The following PELI2 variants were observed in gnomAD, a reference collection of about 807,000 sequenced individuals.
The protein encoded by PELI2 is pellino E3 ubiquitin protein ligase family member 2.
In PELI2, 23 loss-of-function variants were observed where a neutral mutation model predicts 42.3. The ratio of observed to expected loss-of-function variants is 0.54; its 90% confidence interval spans 0.39 to 0.77. The LOEUF (loss-of-function observed/expected upper bound fraction) is 0.77. PELI2 is among the 30% of genes least tolerant of loss of function. The pLI is 0.00. For synonymous variants in PELI2, 245 were observed against 212.2 expected (o/e 1.15, Z -1.34); for missense variants, 463 against 553.2 (o/e 0.84, Z 1.64).
chr14:56,263,891 AT>A (rs11299221), intron 2 of PELI2, among the ~76,000 whole-genome samples: 140,446 of 152,162 alleles, frequency 0.92, 65,189 homozygotes, highest in African/African-American at 0.98. Context: ...AATGCAGACG[AT>A]TTTTTTTAAA....
chr14:56,134,733 T>A (rs1432157469), intron 1 of PELI2, among the ~76,000 whole-genome samples: 2 of 151,418 alleles, frequency 1.3e-5, no homozygotes, highest in African/African-American at 4.8e-5. Context: ...CTCTCTTTTT[T>A]AAAAAAAATC....
intron 2 of PELI2, among the ~76,000 whole-genome samples, chr14:56,215,549 A>C (rs774907466): frequency 1.2e-4 from 19 of 152,262 alleles, no homozygotes; most frequent in Admixed American, 9.2e-4. Context: ...ACTAAAAGAC[A>C]TGATTAGAAA....
intron 1 of PELI2, chr14:56,118,969 G>A (rs1882957288): frequency 4.0e-6 from 1 of 252,856 alleles, no homozygotes; most frequent in Non-Finnish European, 7.4e-6. Flanking sequence ...GGAGGACGCG[G>A]CGGAGGAAGT....
intron 5 of PELI2, among the ~76,000 whole-genome samples, chr14:56,295,996 A>G (rs1328286246): frequency 6.6e-6 from 1 of 152,238 alleles, no homozygotes; most frequent in Non-Finnish European, 1.5e-5. Flanking sequence ...GTCAGCTGTT[A>G]ATCAGTCTTA....
chr14:56,124,633 G>A (rs1322947798), intron 1 of PELI2, among the ~76,000 whole-genome samples: 1 of 152,324 alleles, frequency 6.6e-6, no homozygotes, highest in Non-Finnish European at 1.5e-5. Context: ...GGGATACGCA[G>A]ATGAACAAGA....
chr14:56,264,972 T>C (rs887786957), intron 2 of PELI2, among the ~76,000 whole-genome samples: 2 of 152,142 alleles, frequency 1.3e-5, no homozygotes, highest in African/African-American at 4.8e-5. Flanking sequence ...CAGAAACTTA[T>C]AAAAACATTG....
At chr14:56,161,732 A>G (rs1459569611) in intron 1 of PELI2, among the ~76,000 whole-genome samples, 1 of 152,098 alleles carries the variant, frequency 6.6e-6, no homozygotes, top group African/African-American at 2.4e-5. Context: ...ACATATATAT[A>G]TATTTTTTTT....
intron 1 of PELI2, among the ~76,000 whole-genome samples, 169 bp downstream of exon 1, chr14:56,118,906 C>CA (rs1313437104): frequency 4.7e-5 from 7 of 150,518 alleles, no homozygotes; most frequent in Admixed American, 4.6e-4. Flanking sequence ...GGATGCGCCC[C>CA]ATCGGCGCGC....
At chr14:56,235,951 T>TTCATAAA (rs2139782323) in intron 2 of PELI2, among the ~76,000 whole-genome samples, 1 of 151,890 alleles carries the variant, frequency 6.6e-6, no homozygotes, top group Admixed American at 6.5e-5. Context: ...AAATACAAGG[T>TTCATAAA]ATCAAACTCA....
chr14:56,196,087 C>T (rs1886121921), intron 2 of PELI2, among the ~76,000 whole-genome samples: 1 of 152,180 alleles, frequency 6.6e-6, no homozygotes, highest in Non-Finnish European at 1.5e-5. Flanking sequence ...AATGTTATGA[C>T]TGTGATTTTT....
chr14:56,205,165 G>A (rs1886473063), intron 2 of PELI2, among the ~76,000 whole-genome samples: 1 of 152,190 alleles, frequency 6.6e-6, no homozygotes, highest in African/African-American at 2.4e-5. Flanking sequence ...GGACCCTGTG[G>A]GGTGCTCTTT....
At chr14:56,145,845 T>C (rs1214640147) in intron 1 of PELI2, among the ~76,000 whole-genome samples, 2 of 152,232 alleles carry the variant, frequency 1.3e-5, no homozygotes, top group Non-Finnish European at 2.9e-5. Context: ...AAAACAATTA[T>C]CTGAACTCCC....
At chr14:56,198,376 G>A (rs1214556829) in intron 2 of PELI2, among the ~76,000 whole-genome samples, 1 of 152,190 alleles carries the variant, frequency 6.6e-6, no homozygotes, top group African/African-American at 2.4e-5. Context: ...AGGCTGAAAA[G>A]GAGTGACCAG....
intron 2 of PELI2, among the ~76,000 whole-genome samples, chr14:56,242,481 C>T (rs1013210919): frequency 2.0e-5 from 3 of 152,154 alleles, no homozygotes; most frequent in Non-Finnish European, 4.4e-5. Context: ...GCCATTTGAT[C>T]CAGCAACCCC....
At chr14:56,162,607 C>T (rs1466883859) in intron 1 of PELI2, among the ~76,000 whole-genome samples, 1 of 152,140 alleles carries the variant, frequency 6.6e-6, no homozygotes, top group Non-Finnish European at 1.5e-5. Flanking sequence ...TACTGATTTC[C>T]TTTCTTTTTG....
At position 56,268,102 on chromosome 14, in the gene PELI2, T is replaced by C. The variant is rs543244738; in HGVS notation, c.208-11574T>C. On this transcript the variant is annotated intron_variant, in intron 2 of 5. Transcript: ENST00000267460. Reference sequence around the variant, plus strand: ...ACTATAACACACAATATATTGTGGATGCCTATGTACTTTTTCTCCAGTGCT... The same window carrying C: ...ACTATAACACACAATATATTGTGGACGCCTATGTACTTTTTCTCCAGTGCT... 1.1e-3 allele frequency among the ~76,000 whole-genome samples: 160 copies of C among 152,334 alleles called. 3 individuals are homozygous for C. In the Middle Eastern group the frequency reaches 0.034, roughly 32 times the overall value.
intron 2 of PELI2, among the ~76,000 whole-genome samples, chr14:56,194,259 CT>C (rs1886053004): frequency 6.6e-6 from 1 of 152,172 alleles, no homozygotes; most frequent in Non-Finnish European, 1.5e-5. Context: ...TCAGGTGCCC[CT>C]GTTCCTGTCG....
chr14:56,143,216 G>T (rs1369276235), intron 1 of PELI2, among the ~76,000 whole-genome samples: 1 of 152,210 alleles, frequency 6.6e-6, no homozygotes. Flanking sequence ...GGGTTAGTCA[G>T]TGTGTTCTTG....
At chr14:56,277,058 A>G (rs544401082) in intron 2 of PELI2, among the ~76,000 whole-genome samples, 1 of 152,292 alleles carries the variant, frequency 6.6e-6, no homozygotes, top group South Asian at 2.1e-4. Context: ...ACCTTACAAT[A>G]ATTTGTGTCC....
Sources: gnomAD v4.1 joint callset for allele counts (sites outside exome capture counted in the v4.1 genomes callset) on GRCh38, gnomAD v4.1.1 for gene constraint, MANE v1.5 for transcripts, NCBI Gene and HGNC (gene_info 2026-07-23, HGNC 2026-07-21) for gene names.